Variants in KLHL1 observed in about 807,000 individuals in gnomAD.
KLHL1 encodes the protein kelch like family member 1, also known as kelch-like protein 1.
In KLHL1, 47 loss-of-function variants were observed where a neutral mutation model predicts 77.7. The observed-to-expected ratio is 0.60, with a 90% CI of 0.48 to 0.77. The LOEUF is 0.77. Among genes scored for constraint, KLHL1 ranks in the 30% least tolerant of loss-of-function variants. The pLI, the probability that KLHL1 is intolerant of heterozygous loss-of-function variation, is 0.00. For synonymous variants in KLHL1, 360 were observed against 325.2 expected (o/e 1.11, Z -1.15); for missense variants, 925 against 910.8 (o/e 1.02, Z -0.20).
chr13:69,984,664 G>T (rs1486320135), intron 1 of KLHL1, among the ~76,000 whole-genome samples: 1 of 152,128 alleles, frequency 6.6e-6, no homozygotes, highest in East Asian at 1.9e-4. Context: ...TCAGGAGAGA[G>T]AGTTATTTTC....
At chr13:69,838,608 A>G (rs371972325) in intron 6 of KLHL1, among the ~76,000 whole-genome samples, 1 of 151,746 alleles carries the variant, frequency 6.6e-6, no homozygotes, top group African/African-American at 2.4e-5. Flanking sequence ...CAACTTCTCA[A>G]AGACAGAGAT....
chr13:69,968,397 G>T (rs1884281184), intron 2 of KLHL1, among the ~76,000 whole-genome samples: 1 of 149,178 alleles, frequency 6.7e-6, no homozygotes, highest in African/African-American at 2.5e-5. Flanking sequence ...TATATATTTT[G>T]GTGACTTGCT....
At chr13:69,754,949 G>C (rs1471174853) in intron 7 of KLHL1, among the ~76,000 whole-genome samples, 1 of 152,068 alleles carries the variant, frequency 6.6e-6, no homozygotes, top group African/African-American at 2.4e-5. Context: ...GTTTTAGTAA[G>C]ATTTTCTTCT....
chr13:69,767,484 G>A (rs750343073), intron 7 of KLHL1, among the ~76,000 whole-genome samples: 3 of 152,004 alleles, frequency 2.0e-5, no homozygotes. Flanking sequence ...ATGGCTTGAG[G>A]CCAGGAGTTT....
intron 1 of KLHL1, among the ~76,000 whole-genome samples, chr13:69,986,583 C>T (rs1249304298): frequency 1.3e-5 from 2 of 152,096 alleles, no homozygotes; most frequent in East Asian, 3.9e-4. Context: ...ATGCGAATTA[C>T]ATTCTGCTGC....
intron 5 of KLHL1, among the ~76,000 whole-genome samples, chr13:69,843,849 C>T (rs1879357808): frequency 1.3e-5 from 2 of 151,422 alleles, no homozygotes; most frequent in South Asian, 4.1e-4. Context: ...TACATGTGCA[C>T]AATGTGGAGG....
intron 1 of KLHL1, among the ~76,000 whole-genome samples, chr13:69,986,677 G>A (rs894230876): frequency 7.9e-5 from 12 of 151,902 alleles, no homozygotes; most frequent in African/African-American, 1.9e-4. Context: ...AATTTTGAAT[G>A]TTATCCAAAT....
rs71196263 is a variant in KLHL1, at chr13:69,764,929, C to CTTT, written c.1640-24376_1640-24374dup. On this transcript the variant is annotated intron_variant, in intron 7 of 10. Transcript: ENST00000377844. ...TCTCATGCTTTCATGTATATCTTTG[C>CTTT]TTTTTTTTTTTTTTTTTTTTTTTTT... Among the ~76,000 whole-genome samples the CTTT allele has an allele frequency of 5.5e-4, 22 of 39,716 alleles. 9 individuals carry two copies. Among genetic ancestry groups the CTTT allele is most frequent in the Admixed American group, 9.2e-4 (2 of 2,170 alleles). 26.1% of individuals were successfully genotyped at this position (39,716 alleles called of 152,430 possible).
chr13:70,104,246 G>T (rs4883858), intron 1 of KLHL1, among the ~76,000 whole-genome samples: 11,081 of 152,138 alleles, frequency 0.073, 647 homozygotes, highest in East Asian at 0.32. Context: ...TATAGGAAAA[G>T]TATTGTTTAT....
intron 1 of KLHL1, among the ~76,000 whole-genome samples, chr13:70,043,477 G>A (rs1398447026): frequency 6.6e-6 from 1 of 152,136 alleles, no homozygotes; most frequent in Non-Finnish European, 1.5e-5. Flanking sequence ...GTAGTGTACA[G>A]TAATGTTCTT....
chr13:69,840,145 TTTAA>T (rs1879188700), intron 5 of KLHL1, among the ~76,000 whole-genome samples: 1 of 152,106 alleles, frequency 6.6e-6, no homozygotes, highest in Non-Finnish European at 1.5e-5. Flanking sequence ...TAATTATGAC[TTTAA>T]TTAAAATGTG....
intron 4 of KLHL1, among the ~76,000 whole-genome samples, chr13:69,907,559 G>A (rs1330329283): frequency 6.6e-6 from 1 of 151,970 alleles, no homozygotes; most frequent in African/African-American, 2.4e-5. Context: ...GAAAGTCATG[G>A]GTAGAGATAG....
Position 69,839,153 on chromosome 13 carries a change from C to G in KLHL1, c.1237G>C (p.Asp413His). ...LPLLPPQILA[D>H]LENHALFKND... is the part of the protein sequence containing the mutation. ...TTAAATAATGCATGATTTTCTAGGT[C>G]AGCCAATATCTGTGAATAATACACA... is the stretch of plus-strand genomic sequence containing the variant. The change falls in exon 6 of 11, where the codon GAC becomes CAC. Residue 413 changes from aspartate to histidine, a missense_variant. Transcript: ENST00000377844. 6.3e-7 allele frequency: 1 copy of G among 1,594,510 alleles called. No individual in the cohort carries two copies. The highest frequency in any genetic ancestry group is 8.6e-7 in the Non-Finnish European group (1 of 1,168,090).
intron 4 of KLHL1, among the ~76,000 whole-genome samples, chr13:69,928,282 G>A (rs141399970): frequency 2.5e-4 from 38 of 152,204 alleles, no homozygotes; most frequent in East Asian, 1.9e-3. Context: ...GCAGTTTCCC[G>A]CCAATTGACA....
At position 69,947,028 on chromosome 13, in the gene KLHL1, TTGTGTGTGTGTGTGTGTGTGTG is replaced by T. The variant is rs59606834; in HGVS notation, c.818-6814_818-6793del. 4.3e-4 allele frequency among the ~76,000 whole-genome samples: 63 copies of T among 146,012 alleles called. No individual in the cohort carries two copies. In the South Asian group the frequency reaches 0.013, roughly 31 times the overall value. On this transcript the variant is annotated intron_variant, in intron 3 of 10. Coordinates refer to ENST00000377844, the MANE Select transcript of KLHL1 (RefSeq NM_020866.3). ...TGCCATACAAAATTGTGTGTGTGTG[TTGTGTGTGTGTGTGTGTGTGTG>T]TGTGTGTGTGTGTGTGTGTGTGTGA...
intron 7 of KLHL1, among the ~76,000 whole-genome samples, chr13:69,773,372 C>A (rs1007156138): frequency 6.6e-6 from 1 of 152,028 alleles, no homozygotes; most frequent in South Asian, 2.1e-4. Flanking sequence ...TGTGAATTCA[C>A]TTTGCTCTCT....
At chr13:69,766,644 GA>G (rs750316647) in intron 7 of KLHL1, among the ~76,000 whole-genome samples, 8 of 152,030 alleles carry the variant, frequency 5.3e-5, no homozygotes, top group Non-Finnish European at 1.2e-4. Flanking sequence ...GGAAATTCTG[GA>G]AAATATCCCC....
rs1372281 is a variant in KLHL1, at chr13:70,016,445, C to T, written c.498-40643G>A. 6.3e-3 allele frequency among the ~76,000 whole-genome samples: 966 copies of T among 152,346 alleles called. 8 individuals carry two copies. The highest frequency in any genetic ancestry group is 0.022 in the African/African-American group (898 of 41,586). ...CCCTGTCCCCGTAGGCTCGTAAGTGCCTGCTCTAGCTCCCTGGCCTCTCCC... is the reference window on the plus strand; with the variant it reads ...CCCTGTCCCCGTAGGCTCGTAAGTGTCTGCTCTAGCTCCCTGGCCTCTCCC... On this transcript the variant is annotated intron_variant, in intron 1 of 10. Coordinates refer to ENST00000377844, the MANE Select transcript of KLHL1 (RefSeq NM_020866.3).
At position 69,817,196 on chromosome 13, in the gene KLHL1, A is replaced by C. The variant is rs61669127; in HGVS notation, c.1415-20234T>G. ...TATTAAAATGCCCTATGCCCCAGAA[A>C]AGGTCTTCCATATAATATGTGAATT... On this transcript the variant is annotated intron_variant, in intron 6 of 10. Transcript: ENST00000377844. 4.6e-3 allele frequency among the ~76,000 whole-genome samples: 694 copies of C among 152,302 alleles called. 11 individuals are homozygous for C. The highest frequency in any genetic ancestry group is 0.016 in the African/African-American group (666 of 41,578).
Sources: gnomAD v4.1 joint callset for allele counts (sites outside exome capture counted in the v4.1 genomes callset) on GRCh38, gnomAD v4.1.1 for gene constraint, MANE v1.5 for transcripts, NCBI Gene and HGNC (gene_info 2026-07-23, HGNC 2026-07-21) for gene names.